Variants in CPNE8 observed in about 807,000 individuals in gnomAD.
CPNE8 encodes the protein copine-8.
A neutral mutation model predicts 81.5 loss-of-function variants in CPNE8; 45 were observed. The observed-to-expected ratio is 0.55, with a 90% CI of 0.44 to 0.71. The LOEUF is 0.71. CPNE8 is among the 30% of genes least tolerant of loss of function. CPNE8 has a pLI of 0.00. For missense variants in CPNE8, 594 were observed against 672.1 expected (o/e 0.88, Z 1.28); for synonymous variants, 252 against 226.3 (o/e 1.11, Z -1.02).
At chr12:38,696,202 C>T (rs140818343) in intron 14 of CPNE8, among the ~76,000 whole-genome samples, 23 of 152,230 alleles carry the variant, frequency 1.5e-4, no homozygotes, top group African/African-American at 5.3e-4. Flanking sequence ...CTTCACATTA[C>T]TGCTAATGAT....
intron 13 of CPNE8, among the ~76,000 whole-genome samples, chr12:38,717,429 G>GCATATATATATATA (rs1555147070): frequency 8.0e-5 from 7 of 87,032 alleles, no homozygotes; most frequent in African/African-American, 3.2e-4. Context: ...AAAGTGTGGT[G>GCATATATATATATA]TATATATATA....
intron 5 of CPNE8, among the ~76,000 whole-genome samples, chr12:38,833,481 T>TC (rs1436099861): frequency 6.8e-6 from 1 of 146,126 alleles, no homozygotes; most frequent in South Asian, 2.2e-4. Context: ...AAATTAACCT[T>TC]TTTTTTTTTT....
intron 15 of CPNE8, among the ~76,000 whole-genome samples, chr12:38,691,448 T>C (rs1197949616): frequency 6.6e-6 from 1 of 152,182 alleles, no homozygotes; most frequent in Non-Finnish European, 1.5e-5. Flanking sequence ...ATACTCAGCA[T>C]TGAGTCAAAT....
intron 13 of CPNE8, 108 bp from the exon 14 acceptor site, chr12:38,703,029 A>G: frequency 1.4e-6 from 1 of 727,854 alleles, no homozygotes. Flanking sequence ...CTCAAACGTT[A>G]ATTAAGAGCA....
intron 6 of CPNE8, among the ~76,000 whole-genome samples, chr12:38,795,857 A>C (rs529266956): frequency 7.7e-6 from 1 of 129,632 alleles, no homozygotes; most frequent in Non-Finnish European, 1.6e-5. Context: ...ATGATGATAG[A>C]TGGATGGATG....
intron 1 of CPNE8, among the ~76,000 whole-genome samples, chr12:38,883,838 T>C (rs1176358820): frequency 2.0e-5 from 3 of 152,216 alleles, no homozygotes; most frequent in African/African-American, 7.2e-5. Context: ...TTCAGGCAGA[T>C]GTGACAATAT....
At chr12:38,838,869 C>A (rs139137797) in intron 5 of CPNE8, among the ~76,000 whole-genome samples, 75 of 152,190 alleles carry the variant, frequency 4.9e-4, no homozygotes, top group African/African-American at 1.7e-3. Flanking sequence ...CCCAGATTTT[C>A]CAAATCTGTT....
rs545742528 is a variant in CPNE8, at chr12:38,881,773, T to C, written c.99-7262A>G. 2.6e-5 allele frequency among the ~76,000 whole-genome samples: 4 copies of C among 152,270 alleles called. No individual in the cohort carries two copies. In the East Asian group the frequency reaches 5.8e-4, roughly 22 times the overall value. On this transcript the variant is annotated intron_variant, in intron 1 of 19. Transcript: ENST00000331366. ...TGTCAGAGCTCTGGTTAGCCTGAGATAAATACAAGAACCTACGGGTTTGAA... is the reference window on the plus strand; with the variant it reads ...TGTCAGAGCTCTGGTTAGCCTGAGACAAATACAAGAACCTACGGGTTTGAA...
intron 10 of CPNE8, among the ~76,000 whole-genome samples, chr12:38,757,872 A>G (rs1487513661): frequency 1.3e-5 from 2 of 151,472 alleles, no homozygotes; most frequent in African/African-American, 4.9e-5. Flanking sequence ...TCCTAATCTC[A>G]CCCCTTTATT....
intron 14 of CPNE8, 30 bp from the exon 15 acceptor site, chr12:38,693,868 A>C (rs1317628467): frequency 6.5e-7 from 1 of 1,543,704 alleles, no homozygotes; most frequent in South Asian, 1.3e-5. Flanking sequence ...TTCAAACATA[A>C]GCAATTAGGG....
At chr12:38,794,373 A>G (rs1942403076) in intron 6 of CPNE8, among the ~76,000 whole-genome samples, 1 of 152,166 alleles carries the variant, frequency 6.6e-6, no homozygotes, top group African/African-American at 2.4e-5. Flanking sequence ...ATAGGGCTGG[A>G]ATAGACATTT....
chr12:38,846,463 G>T (rs978161244), intron 4 of CPNE8, among the ~76,000 whole-genome samples: 1 of 152,116 alleles, frequency 6.6e-6, no homozygotes, highest in South Asian at 2.1e-4. Flanking sequence ...GGCAAAAGTG[G>T]CAATTGGTGA....
At position 38,778,082 on chromosome 12, in the gene CPNE8, T is replaced by C. The variant is rs779521099; in HGVS notation, c.408-1781A>G. On this transcript the variant is annotated intron_variant, in intron 6 of 19. Coordinates refer to ENST00000331366, the MANE Select transcript of CPNE8 (RefSeq NM_153634.3). ...GCTCAGGGGTCCCACTGATTCTACA[T>C]GACATTGAGTTGTATAATTATTTCA... Among the ~76,000 whole-genome samples the C allele has an allele frequency of 1.3e-4, 20 of 152,294 alleles. No individual in the cohort carries two copies. The South Asian group carries it at 3.1e-3, about 24-fold the overall frequency.
intron 1 of CPNE8, among the ~76,000 whole-genome samples, chr12:38,882,883 A>G (rs1944181988): frequency 1.3e-5 from 2 of 152,220 alleles, no homozygotes; most frequent in South Asian, 2.1e-4. Context: ...CGTTTTACCC[A>G]TAGCATTCTG....
intron 4 of CPNE8, 78 bp from the exon 5 acceptor site, chr12:38,840,033 A>C: frequency 7.6e-7 from 1 of 1,318,532 alleles, no homozygotes; most frequent in Non-Finnish European, 1.0e-6. Context: ...TCCAAAACAC[A>C]TAAATAATAT....
intron 6 of CPNE8, among the ~76,000 whole-genome samples, chr12:38,799,563 T>G (rs1223717938): frequency 6.6e-6 from 1 of 151,664 alleles, no homozygotes; most frequent in East Asian, 1.9e-4. Context: ...AGAGGGAAAT[T>G]TATAGCACTA....
chr12:38,762,165 T>C lies in CPNE8; in HGVS notation c.627A>G (p.Val209=), dbSNP rs367745539. 6.2e-7 allele frequency: 1 copy of C among 1,606,222 alleles called. No individual in the cohort carries two copies. The highest frequency in any genetic ancestry group is 8.5e-7 in the Non-Finnish European group (1 of 1,175,986). Residue 209 remains valine (V), a synonymous_variant, in exon 9 of 20, where the codon GTA becomes GTG. Coordinates refer to ENST00000331366, the MANE Select transcript of CPNE8 (RefSeq NM_153634.3). ...TGACTGAGATCTTGAATGCTTGCCA[T>C]ACTGGATTTAGAGTGTTTTTGACAA... ...TEVVKNTLNP[V]WQAFKISVRA...
At chr12:38,794,449 G>A (rs988124811) in intron 6 of CPNE8, among the ~76,000 whole-genome samples, 3 of 151,886 alleles carry the variant, frequency 2.0e-5, no homozygotes, top group African/African-American at 4.8e-5. Context: ...ATAAATAAGA[G>A]CTGCATAAAG....
intron 6 of CPNE8, among the ~76,000 whole-genome samples, chr12:38,805,968 C>T (rs1445864876): frequency 2.7e-5 from 4 of 150,036 alleles, no homozygotes; most frequent in Non-Finnish European, 5.9e-5. Flanking sequence ...GAGAATACTA[C>T]AAACACCTCT....
Sources: allele counts gnomAD v4.1 joint callset (sites outside exome capture counted in the v4.1 genomes callset), GRCh38; gene constraint gnomAD v4.1.1; transcripts MANE v1.5; gene names NCBI Gene and HGNC (gene_info 2026-07-23, HGNC 2026-07-21).